Variants in SERTM1 observed in about 807,000 individuals in gnomAD.
SERTM1 encodes serine-rich and transmembrane domain-containing protein 1.
A neutral mutation model predicts 5.5 loss-of-function variants in SERTM1; 1 was observed. That is an observed-to-expected ratio of 0.18 (90% CI 0.06 to 0.86). The LOEUF (loss-of-function observed/expected upper bound fraction) is 0.86. SERTM1 is among the 40% of genes least tolerant of loss of function. The pLI is 0.69. For synonymous variants in SERTM1, 52 were observed against 55.1 expected, an observed-to-expected ratio of 0.94 and a Z score of 0.25; for missense variants, 91 against 122.4, an observed-to-expected ratio of 0.74 and a Z score of 1.21.
intron 1 of SERTM1, among the ~76,000 whole-genome samples, chr13:36,687,744 TACACACAC>T (rs148142579): frequency 6.6e-6 from 1 of 150,972 alleles, no homozygotes; most frequent in African/African-American, 2.4e-5. Context: ...AAATTAAAAA[TACACACAC>T]ACACACACGC....
intron 1 of SERTM1, among the ~76,000 whole-genome samples, chr13:36,692,300 G>T (rs1326274006): frequency 6.6e-6 from 1 of 152,170 alleles, no homozygotes; most frequent in Non-Finnish European, 1.5e-5. Flanking sequence ...CTGAAAGAAG[G>T]CAATCTTCTG....
intron 1 of SERTM1, among the ~76,000 whole-genome samples, chr13:36,677,300 G>A (rs904703309): frequency 6.6e-6 from 1 of 152,188 alleles, no homozygotes; most frequent in African/African-American, 2.4e-5. Context: ...TAAGCATGAA[G>A]TAGCGTAATC....
chr13:36,685,877 G>A (rs2056737683), intron 1 of SERTM1, among the ~76,000 whole-genome samples: 1 of 152,158 alleles, frequency 6.6e-6, no homozygotes, highest in African/African-American at 2.4e-5. Context: ...TCCCTACTTT[G>A]AACCTGGACC....
rs961828766 is a variant in SERTM1 at position 36,674,044 on chromosome 13, C to G, written c.-314C>G. On this transcript the variant is annotated 5_prime_UTR_variant, in exon 1 of 2. Transcript: ENST00000315190. ...CACTCCCGCTGCGCCTGCTGTCCGC[C>G]GTGCGCCCAGACTGCGCGCCGCGCC... 2 of 152,258 alleles carry G rather than the reference C, an allele frequency of 1.3e-5. No individual in the cohort carries two copies. Among genetic ancestry groups the G allele is most frequent in the African/African-American group, 2.4e-5 (1 of 41,442 alleles). 9.4% of individuals were successfully genotyped at this position (152,258 alleles called of 1,614,324 possible). A position where few individuals can be genotyped will look rare whatever the true frequency, so the allele number is the denominator to read the frequency against.
chr13:36,674,266 G>T (rs2056655987), intron 1 of SERTM1, 82 bp downstream of exon 1: 1 of 151,564 alleles, frequency 6.6e-6, no homozygotes, highest in African/African-American at 2.4e-5. Flanking sequence ...CTTGCCTGGG[G>T]CGGCCTCGGG....
intron 1 of SERTM1, among the ~76,000 whole-genome samples, chr13:36,676,546 A>G (rs900334974): frequency 1.3e-5 from 2 of 152,186 alleles, no homozygotes; most frequent in Non-Finnish European, 2.9e-5. Context: ...TAGTAATTTA[A>G]GAATCTGAAA....
chr13:36,685,461 A>C (rs2056734421), intron 1 of SERTM1, among the ~76,000 whole-genome samples: 1 of 152,240 alleles, frequency 6.6e-6, no homozygotes, highest in Non-Finnish European at 1.5e-5. Flanking sequence ...CTAATATCAG[A>C]TTCATCTGGC....
At position 36,695,113 on chromosome 13, in the gene SERTM1, G is replaced by T. The variant is rs2056804463; in HGVS notation, c.35G>T (p.Gly12Val). ...CCTGACACTTCCTCAGGATTTTCGGGAAGTGTGGAGAATGGAACTTTTCTT... is the reference window on the plus strand; with the variant it reads ...CCTGACACTTCCTCAGGATTTTCGGTAAGTGTGGAGAATGGAACTTTTCTT... ...SEPDTSSGFS[G>V]SVENGTFLEL... The change falls in exon 2 of 2, where the codon GGA (glycine) becomes GTA (valine). Residue 12 changes from glycine to valine, a missense_variant. Transcript: ENST00000315190. 2 of 1,613,930 alleles carry T rather than the reference G, an allele frequency of 1.2e-6. No homozygotes were observed. Among genetic ancestry groups the T allele is most frequent in the Admixed American group, 1.7e-5 (1 of 59,986 alleles).
chr13:36,690,141 G>A (rs932877554), intron 1 of SERTM1, among the ~76,000 whole-genome samples: 10 of 152,166 alleles, frequency 6.6e-5, no homozygotes, highest in African/African-American at 2.4e-4. Context: ...CCCAATGGAC[G>A]ATTCAGAATC....
At position 36,695,349 on chromosome 13, in the gene SERTM1, G is replaced by A; in HGVS notation, c.271G>A (p.Glu91Lys). Residue 91 changes from glutamate to lysine, a missense_variant, in exon 2 of 2, where the codon GAA becomes AAA. By Grantham distance (56) the Glu-to-Lys change is moderately conservative (BLOSUM62 1). Coordinates refer to ENST00000315190, the MANE Select transcript of SERTM1 (RefSeq NM_203451.3). ...SDAGSSFTNL[E>K]VCSISSQRST... ...CGCTGGAAGTTCTTTCACCAATTTG[G>A]AAGTCTGCAGCATTTCCTCTCAGAG... 1 of 1,614,144 alleles carries A rather than the reference G, an allele frequency of 6.2e-7. No homozygotes were observed. Among genetic ancestry groups the A allele is most frequent in the Non-Finnish European group, 8.5e-7 (1 of 1,180,016 alleles).
Position 36,695,159 on chromosome 13 carries a change from G to A in SERTM1, c.81G>A (p.Leu27=), listed in dbSNP as rs143398149. The change falls in exon 2 of 2, where the codon CTG becomes CTA. Residue 27 remains leucine (L), a synonymous_variant. Coordinates refer to ENST00000315190, the MANE Select transcript of SERTM1 (RefSeq NM_203451.3). ...GTFLELFPTS[L]STSVDPSSGH... is the part of the protein sequence containing the mutation. The stretch of plus-strand genomic sequence containing the variant: ...TTCTTGAGCTGTTTCCCACATCCCT[G>A]TCCACGTCAGTGGACCCATCCTCAG... The A allele has an allele frequency of 6.2e-7, 1 of 1,614,130 alleles. No homozygotes were observed. Among genetic ancestry groups the A allele is most frequent in the African/African-American group, 1.3e-5 (1 of 75,062 alleles).
intron 1 of SERTM1, among the ~76,000 whole-genome samples, chr13:36,679,015 T>G (rs1814820636): frequency 6.6e-6 from 1 of 152,106 alleles, no homozygotes; most frequent in Non-Finnish European, 1.5e-5. Context: ...CATAATACTC[T>G]TCTCCTCAAA....
At chr13:36,689,547 GT>G (rs1457058598) in intron 1 of SERTM1, among the ~76,000 whole-genome samples, 34 of 140,370 alleles carry the variant, frequency 2.4e-4, no homozygotes, top group Admixed American at 7.9e-4. Context: ...AATAATAATA[GT>G]TTTTTTCCCC....
intron 1 of SERTM1, among the ~76,000 whole-genome samples, chr13:36,691,405 C>A (rs2056777459): frequency 6.6e-6 from 1 of 152,182 alleles, no homozygotes; most frequent in Non-Finnish European, 1.5e-5. Flanking sequence ...CCCCACCCCA[C>A]TGGGCACATG....
chr13:36,692,365 G>A (rs141526742), intron 1 of SERTM1, among the ~76,000 whole-genome samples: 260 of 152,334 alleles, frequency 1.7e-3, no homozygotes, highest in African/African-American at 5.7e-3. Flanking sequence ...TTAACAAGAG[G>A]TCTGGTAGCC....
At chr13:36,679,400 T>A (rs966328921) in intron 1 of SERTM1, among the ~76,000 whole-genome samples, 1 of 152,120 alleles carries the variant, frequency 6.6e-6, no homozygotes, top group Admixed American at 6.5e-5. Context: ...TGTTTTGTTT[T>A]GTTTTTGTTT....
At chr13:36,690,056 G>A (rs1010353899) in intron 1 of SERTM1, among the ~76,000 whole-genome samples, 2 of 152,090 alleles carry the variant, frequency 1.3e-5, no homozygotes, top group Non-Finnish European at 2.9e-5. Context: ...AACTCTGAGT[G>A]TATTTTCTGA....
chr13:36,690,113 A>T (rs2056768518), intron 1 of SERTM1, among the ~76,000 whole-genome samples: 1 of 152,220 alleles, frequency 6.6e-6, no homozygotes, highest in South Asian at 2.1e-4. Flanking sequence ...GTTCATTTTT[A>T]TCTTTTGTCT....
chr13:36,689,506 AAATAATAATAATAAT>A (rs3052684), intron 1 of SERTM1, among the ~76,000 whole-genome samples: 44 of 142,018 alleles, frequency 3.1e-4, no homozygotes, highest in African/African-American at 7.2e-4. Context: ...CTCTGTCTCA[AAATAATAATAATAAT>A]AATAATAATA....
Sources: gnomAD v4.1 joint callset for allele counts (sites outside exome capture counted in the v4.1 genomes callset) on GRCh38, gnomAD v4.1.1 for gene constraint, MANE v1.5 for transcripts, NCBI Gene and HGNC (gene_info 2026-07-23, HGNC 2026-07-21) for gene names.